FAR2: variants seen among roughly 807,000 people sequenced by gnomAD.
FAR2 encodes fatty acyl-CoA reductase 2.
Under a neutral mutation model 56.0 loss-of-function variants are expected in FAR2, and 19 were observed. The ratio of observed to expected loss-of-function variants is 0.34; its 90% confidence interval spans 0.24 to 0.50. The LOEUF (loss-of-function observed/expected upper bound fraction) is 0.50. Ranked by LOEUF, FAR2 falls within the 20% of genes least tolerant of loss-of-function variation. The probability of loss-of-function intolerance (pLI) is 0.98; values close to 1 mark genes in which losing one functional copy is unlikely to be tolerated. For synonymous variants in FAR2, 219 were observed against 218.8 expected (o/e 1.00, Z -0.01); for missense variants, 508 against 642.2 (o/e 0.79, Z 2.26).
intron 1 of FAR2, among the ~76,000 whole-genome samples, chr12:29,253,028 G>T (rs907589732): frequency 6.6e-6 from 1 of 152,080 alleles, no homozygotes; most frequent in Non-Finnish European, 1.5e-5. Context: ...AGAGCCAAAA[G>T]AAATTATACC....
At chr12:29,188,779 T>G (rs1013015251) in intron 1 of FAR2, among the ~76,000 whole-genome samples, 6 of 146,620 alleles carry the variant, frequency 4.1e-5, no homozygotes, top group Non-Finnish European at 7.6e-5. Context: ...TTGTTTTTTG[T>G]TTTTTTTTTT....
intron 2 of FAR2, among the ~76,000 whole-genome samples, chr12:29,288,804 A>G (rs1451664580): frequency 6.6e-6 from 1 of 152,206 alleles, no homozygotes; most frequent in East Asian, 1.9e-4. Context: ...TAGTTCTATT[A>G]CTGATCTTAC....
In FAR2 at chr12:29,234,585, C is replaced by T. The variant is rs148016957; in HGVS notation, c.-38-35827C>T. Among the ~76,000 whole-genome samples the T allele has an allele frequency of 2.0e-4, 30 of 152,318 alleles. No homozygotes were observed. In the Middle Eastern group the frequency reaches 0.01, roughly 52 times the overall value. ...CTATTTGTCTAATTCACTCTCCACACTGCAACTGGTCAACTTTCTAAATTG... is the reference window on the plus strand; with the variant it reads ...CTATTTGTCTAATTCACTCTCCACATTGCAACTGGTCAACTTTCTAAATTG... On this transcript the variant is annotated intron_variant, in intron 1 of 11. Transcript: ENST00000536681.
At position 29,203,645 on chromosome 12, in the gene FAR2, T is replaced by C. The variant is rs549278522; in HGVS notation, c.-39+54238T>C. Among the ~76,000 whole-genome samples, 5 of 152,272 alleles carry C rather than the reference T, an allele frequency of 3.3e-5. No homozygotes were observed. The South Asian group carries it at 1.0e-3, about 32-fold the overall frequency. On this transcript the variant is annotated intron_variant, in intron 1 of 11. Coordinates refer to ENST00000536681, the MANE Select transcript of FAR2 (RefSeq NM_001271783.2). ...TTTGGTGTAGGAGTGAAGGATACAA[T>C]TGGGCATGGTGTGTGAGAACCACCA...
intron 1 of FAR2, among the ~76,000 whole-genome samples, chr12:29,226,342 A>G (rs1947768643): frequency 6.6e-6 from 1 of 152,178 alleles, no homozygotes; most frequent in Admixed American, 6.5e-5. Flanking sequence ...TTCTTGCTTT[A>G]TTTATTAATA....
intron 1 of FAR2, among the ~76,000 whole-genome samples, chr12:29,243,277 GATCATTT>G (rs1948068076): frequency 6.6e-6 from 1 of 152,178 alleles, no homozygotes. Flanking sequence ...TTACAGAAAT[GATCATTT>G]ATCTTCCTGG....
intron 1 of FAR2, among the ~76,000 whole-genome samples, chr12:29,162,146 GTTC>G (rs1324475463): frequency 6.6e-6 from 1 of 152,036 alleles, no homozygotes; most frequent in Non-Finnish European, 1.5e-5. Context: ...TATTAGTGGT[GTTC>G]TTCATAGTAT....
intron 1 of FAR2, among the ~76,000 whole-genome samples, chr12:29,240,957 T>A (rs1948023138): frequency 6.6e-6 from 1 of 152,102 alleles, no homozygotes; most frequent in Admixed American, 6.6e-5. Context: ...AGACATGCAC[T>A]ACCACATCCA....
chr12:29,229,111 G>A (rs2136648835), intron 1 of FAR2, among the ~76,000 whole-genome samples: 1 of 152,256 alleles, frequency 6.6e-6, no homozygotes, highest in East Asian at 1.9e-4. Flanking sequence ...AGTATGGCAA[G>A]CTGAGCTTCA....
At chr12:29,205,040 T>G (rs1169500028) in intron 1 of FAR2, among the ~76,000 whole-genome samples, 1 of 152,226 alleles carries the variant, frequency 6.6e-6, no homozygotes, top group African/African-American at 2.4e-5. Context: ...GATCTTTTTC[T>G]TGATGGAATC....
intron 1 of FAR2, among the ~76,000 whole-genome samples, chr12:29,186,755 ATTAT>A (rs200745083): frequency 0.095 from 4,397 of 46,086 alleles, 120 homozygotes; most frequent in African/African-American, 0.11. Context: ...TTCTTTATTT[ATTAT>A]TTATTTATTT....
chr12:29,315,710 C>G (rs1725544567), intron 8 of FAR2, among the ~76,000 whole-genome samples: 1 of 151,912 alleles, frequency 6.6e-6, no homozygotes, highest in Non-Finnish European at 1.5e-5. Context: ...CAAGGATGAC[C>G]CCAAAGTTTT....
At chr12:29,279,515 G>T (rs1271923970) in intron 2 of FAR2, among the ~76,000 whole-genome samples, 1 of 152,158 alleles carries the variant, frequency 6.6e-6, no homozygotes, top group Admixed American at 6.5e-5. Context: ...TCATTATGCT[G>T]AGTTTAGTAC....
intron 1 of FAR2, among the ~76,000 whole-genome samples, chr12:29,154,237 G>C (rs1424215754): frequency 6.6e-6 from 1 of 152,012 alleles, no homozygotes; most frequent in African/African-American, 2.4e-5. Flanking sequence ...TTACTCCCCT[G>C]CTTAAAACCC....
chr12:29,155,003 C>A (rs553993431), intron 1 of FAR2, among the ~76,000 whole-genome samples: 1 of 152,310 alleles, frequency 6.6e-6, no homozygotes, highest in South Asian at 2.1e-4. Flanking sequence ...AAGCGGGAGA[C>A]TGGAATTGAC....
chr12:29,157,511 T>A (rs1266605752), intron 1 of FAR2, among the ~76,000 whole-genome samples: 1 of 152,064 alleles, frequency 6.6e-6, no homozygotes, highest in East Asian at 1.9e-4. Context: ...AAGACAAAAA[T>A]ATGGCTTCTC....
intron 2 of FAR2, among the ~76,000 whole-genome samples, chr12:29,277,102 C>T (rs1948712745): frequency 2.0e-5 from 3 of 152,224 alleles, no homozygotes; most frequent in East Asian, 1.9e-4. Flanking sequence ...CTCAGCCTCC[C>T]GAGTAGCTGG....
chr12:29,199,088 G>A (rs1947370975), intron 1 of FAR2, among the ~76,000 whole-genome samples: 2 of 152,138 alleles, frequency 1.3e-5, no homozygotes, highest in Admixed American at 1.3e-4. Flanking sequence ...GGTTGAGCTG[G>A]GCCTGTTAAG....
intron 10 of FAR2, among the ~76,000 whole-genome samples, chr12:29,324,080 C>T (rs1229266664): frequency 6.6e-6 from 1 of 152,200 alleles, no homozygotes; most frequent in Non-Finnish European, 1.5e-5. Flanking sequence ...AAAGCCAAGG[C>T]TCGAGAACTA....
Sources: allele counts gnomAD v4.1 joint callset (sites outside exome capture counted in the v4.1 genomes callset), GRCh38; gene constraint gnomAD v4.1.1; transcripts MANE v1.5; gene names NCBI Gene and HGNC (gene_info 2026-07-23, HGNC 2026-07-21).